Variants in CYRIB observed in about 807,000 individuals in gnomAD.
CYRIB encodes the protein CYFIP related Rac1 interactor B, also known as CYFIP-related Rac1 interactor B.
In CYRIB, 8 loss-of-function variants were observed where a neutral mutation model predicts 44.2. The ratio of observed to expected loss-of-function variants is 0.18; its 90% CI spans 0.11 to 0.33. The LOEUF is 0.33. Among genes scored for constraint, CYRIB ranks in the 10% least tolerant of loss-of-function variants. The pLI is 1.00. For missense variants in CYRIB, 185 were observed against 382.8 expected (o/e 0.48, Z 4.31); for synonymous variants, 131 against 127.2 (o/e 1.03, Z -0.20).
chr8:130,004,485 T>C (rs1009702648), intron 1 of CYRIB: 17 of 152,210 alleles, frequency 1.1e-4, no homozygotes, highest in Non-Finnish European at 2.1e-4. Flanking sequence ...TTAAATAATA[T>C]AAAAGTGTAT....
chr8:129,947,064 AT>A (rs201605982), intron 2 of CYRIB, among the ~76,000 whole-genome samples: 34 of 137,174 alleles, frequency 2.5e-4, no homozygotes, highest in East Asian at 1.2e-3. Flanking sequence ...TTATTTATTT[AT>A]TTTTTTTTTT....
intron 1 of CYRIB, among the ~76,000 whole-genome samples, chr8:129,983,402 G>A (rs915518376): frequency 7.9e-5 from 12 of 152,110 alleles, no homozygotes; most frequent in African/African-American, 2.9e-4. Context: ...CCAAGACTGT[G>A]CCACTGCACT....
intron 1 of CYRIB, among the ~76,000 whole-genome samples, chr8:129,937,528 G>A (rs552731469): frequency 6.6e-5 from 10 of 152,186 alleles, no homozygotes; most frequent in African/African-American, 1.4e-4. Context: ...TTTAAAACCC[G>A]TTTATTCCTG....
chr8:129,978,140 C>A (rs2096041597), intron 1 of CYRIB, among the ~76,000 whole-genome samples: 2 of 152,042 alleles, frequency 1.3e-5, no homozygotes, highest in Non-Finnish European at 2.9e-5. Flanking sequence ...GTCAATCTTG[C>A]ACTCCTGGCC....
intron 1 of CYRIB, among the ~76,000 whole-genome samples, chr8:129,928,679 A>C (rs1014339963): frequency 6.6e-6 from 1 of 151,962 alleles, no homozygotes; most frequent in African/African-American, 2.4e-5. Flanking sequence ...AAAAGAAAAA[A>C]GAAAAGAAAA....
At chr8:129,989,238 G>A (rs758930107) in intron 1 of CYRIB, among the ~76,000 whole-genome samples, 18 of 152,026 alleles carry the variant, frequency 1.2e-4, no homozygotes, top group Non-Finnish European at 2.2e-4. Flanking sequence ...CCAGCAGGAC[G>A]ACTGGAGCCT....
At chr8:129,862,978 A>G (rs1050279279) in intron 4 of CYRIB, among the ~76,000 whole-genome samples, 2 of 152,222 alleles carry the variant, frequency 1.3e-5, no homozygotes, top group Non-Finnish European at 2.9e-5. Context: ...TGTTTGTTAA[A>G]TATTTTATGC....
intron 1 of CYRIB, among the ~76,000 whole-genome samples, chr8:129,910,818 G>A (rs979319650): frequency 3.3e-5 from 5 of 152,104 alleles, no homozygotes; most frequent in African/African-American, 9.7e-5. Context: ...AGAGAAACAC[G>A]GTCTCGCTCT....
At chr8:129,922,028 G>A (rs1361414434) in intron 1 of CYRIB, among the ~76,000 whole-genome samples, 4 of 152,146 alleles carry the variant, frequency 2.6e-5, no homozygotes, top group Non-Finnish European at 5.9e-5. Flanking sequence ...CAAAGACCAA[G>A]GACACTTGAA....
upstream of CYRIB, chr8:130,016,740 G>T (rs1275204215): frequency 6.7e-6 from 1 of 149,282 alleles, no homozygotes; most frequent in East Asian, 2.0e-4. Flanking sequence ...GGACCGCCCC[G>T]CGCCGGCCCC....
At chr8:129,849,834 TGA>T (rs1009666583) in intron 9 of CYRIB, 2 of 153,004 alleles carry the variant, frequency 1.3e-5, no homozygotes, top group African/African-American at 4.8e-5. Flanking sequence ...GCACCTATAG[TGA>T]AAAATCACTA....
chr8:129,855,002 A>G (rs1291852860), intron 6 of CYRIB, among the ~76,000 whole-genome samples: 1 of 152,228 alleles, frequency 6.6e-6, no homozygotes, highest in African/African-American at 2.4e-5. Context: ...GGAAAGGAGG[A>G]AGGGAGAAAA....
At chr8:130,010,939 C>T (rs975641515) in intron 1 of CYRIB, among the ~76,000 whole-genome samples, 5 of 152,138 alleles carry the variant, frequency 3.3e-5, no homozygotes, top group Admixed American at 6.5e-5. Context: ...TCAGAACCTC[C>T]GAGGCAATCC....
rs117717967 is a variant in CYRIB at position 129,863,805 on chromosome 8, A to T, written c.196-1471T>A. Among the ~76,000 whole-genome samples, 454 of 152,298 alleles carry T rather than the reference A, an allele frequency of 3.0e-3. 1 individual carries two copies. Among genetic ancestry groups the T allele is most frequent in the Non-Finnish European group, 5.0e-3 (341 of 68,012 alleles). ...TTTTGTCTTTATCTTTCATTTGCCCATAGATGTTTTTTGTACTCCTTTACA... is the reference window on the plus strand; with the variant it reads ...TTTTGTCTTTATCTTTCATTTGCCCTTAGATGTTTTTTGTACTCCTTTACA... On this transcript the variant is annotated intron_variant, in intron 4 of 11. Coordinates refer to ENST00000519824, the Ensembl canonical transcript of CYRIB.
intron 1 of CYRIB, among the ~76,000 whole-genome samples, chr8:129,980,980 TC>T (rs2096214144): frequency 6.8e-6 from 1 of 148,006 alleles, no homozygotes; most frequent in Non-Finnish European, 1.5e-5. Flanking sequence ...TGAGACACTA[TC>T]TCAAAAAAAA....
intron 1 of CYRIB, among the ~76,000 whole-genome samples, chr8:129,906,398 T>C (rs2136006641): frequency 6.6e-6 from 1 of 152,326 alleles, no homozygotes; most frequent in Non-Finnish European, 1.5e-5. Context: ...TGGCTAGCCA[T>C]ATGTAGAAAG....
intron 2 of CYRIB, among the ~76,000 whole-genome samples, chr8:129,896,170 A>C (rs749371125): frequency 2.0e-5 from 3 of 152,218 alleles, no homozygotes; most frequent in Non-Finnish European, 2.9e-5. Context: ...GTACTCAATA[A>C]ATATTTGTCA....
chr8:129,854,434 A>G, intron 6 of CYRIB, 91 bp from the exon 9 acceptor site: 2 of 857,396 alleles, frequency 2.3e-6, no homozygotes, highest in East Asian at 2.7e-5. Context: ...AATTAGTATA[A>G]AACATTCCAT....
intron 2 of CYRIB, among the ~76,000 whole-genome samples, chr8:129,969,356 C>T (rs2095607933): frequency 6.6e-6 from 1 of 152,160 alleles, no homozygotes; most frequent in Non-Finnish European, 1.5e-5. Flanking sequence ...TTCTTCAGCG[C>T]TCCCCTAGAT....
Sources: gnomAD v4.1 joint callset for allele counts (sites outside exome capture counted in the v4.1 genomes callset) on GRCh38, gnomAD v4.1.1 for gene constraint, MANE v1.5 for transcripts, NCBI Gene and HGNC (gene_info 2026-07-23, HGNC 2026-07-21) for gene names.